The following CFAP54 variants were observed in gnomAD, a reference collection of about 807,000 sequenced individuals.
CFAP54 encodes cilia- and flagella-associated protein 54.
A neutral mutation model predicts 370.4 loss-of-function variants in CFAP54; 290 were observed. That is an observed-to-expected ratio of 0.78 (90% CI 0.71 to 0.86). CFAP54 has a LOEUF of 0.86. CFAP54 is among the 40% of genes least tolerant of loss of function. The probability of loss-of-function intolerance (pLI) is 0.00; values close to 1 mark genes in which losing one functional copy is unlikely to be tolerated. For synonymous variants in CFAP54, 1,206 were observed against 1,236.5 expected (o/e 0.98, Z 0.52); for missense variants, 3,399 against 3,528.7 (o/e 0.96, Z 0.93).
chr12:96,657,917 C>A lies in CFAP54; in HGVS notation c.5136C>A (p.Ser1712Arg). 6.2e-7 allele frequency: 1 copy of A among 1,613,194 alleles called. No homozygotes were observed. Among genetic ancestry groups the A allele is most frequent in the Non-Finnish European group, 8.5e-7 (1 of 1,179,688 alleles). Residue 1712 changes from serine (S) to arginine (R), a missense_variant, in exon 37 of 68, where the codon AGC (serine) becomes AGA (arginine). Ser to Arg is a moderately radical substitution (Grantham distance 110, BLOSUM62 -1). Coordinates refer to ENST00000524981, the MANE Select transcript of CFAP54 (RefSeq NM_001306084.2). ...IEDKGEFSVP[S>R]CYGNIKNDNG... ...ACAAAGGAGAATTCAGTGTTCCAAG[C>A]TGTTATGGGAATATTAAAAATGACA...
intron 60 of CFAP54, among the ~76,000 whole-genome samples, chr12:96,776,327 T>G (rs2136684293): frequency 6.6e-6 from 1 of 152,066 alleles, no homozygotes; most frequent in African/African-American, 2.4e-5. Context: ...AAAAAAAAAT[T>G]AGACAAATCT....
intron 14 of CFAP54, among the ~76,000 whole-genome samples, chr12:96,542,214 G>A (rs897098673): frequency 6.6e-6 from 1 of 152,202 alleles, no homozygotes; most frequent in South Asian, 2.1e-4. Context: ...TGCAGATGGA[G>A]TTTTAGAGCC....
chr12:96,644,009 A>G (rs1376386201), intron 32 of CFAP54, among the ~76,000 whole-genome samples, 169 bp from the exon 33 acceptor site: 2 of 152,068 alleles, frequency 1.3e-5, no homozygotes, highest in Admixed American at 6.6e-5. Flanking sequence ...TTTTTAAACC[A>G]CCCTGGTTCA....
At chr12:96,796,531 C>T (rs773766268) in intron 63 of CFAP54, among the ~76,000 whole-genome samples, 7 of 152,128 alleles carry the variant, frequency 4.6e-5, no homozygotes, top group Non-Finnish European at 7.4e-5. Flanking sequence ...TAGTTTTATG[C>T]AGTCTTTAAG....
At chr12:96,691,341 T>C in intron 44 of CFAP54, 31 bp downstream of exon 44, 8 of 1,490,668 alleles carry the variant, frequency 5.4e-6, no homozygotes, top group Non-Finnish European at 7.3e-6. Context: ...AAATTATATA[T>C]CACTGGGATA....
In CFAP54 at chr12:96,740,041, C is replaced by A; in HGVS notation, c.7051C>A (p.Pro2351Thr). The A allele has an allele frequency of 6.3e-7, 1 of 1,597,226 alleles. No homozygotes were observed. ...KKVVQDDTEN[P>T]VSPGTSVTEN... ...GGTAGTACAGGATGACACAGAGAAT[C>A]CTGTCTCTCCAGGAACTTCTGTAAG... is the stretch of plus-strand genomic sequence containing the variant. Residue 2351 changes from proline to threonine, a missense_variant, in exon 51 of 68, where the codon CCT becomes ACT. Physicochemically the swap from Pro to Thr is conservative, Grantham distance 38. Coordinates refer to ENST00000524981, the MANE Select transcript of CFAP54 (RefSeq NM_001306084.2).
intron 67 of CFAP54, among the ~76,000 whole-genome samples, chr12:96,870,295 T>A (rs1455773402): frequency 6.6e-6 from 1 of 152,122 alleles, no homozygotes; most frequent in African/African-American, 2.4e-5. Context: ...TTATTACATT[T>A]AAAGGAACTA....
chr12:96,729,092 G>A (rs1957882375), intron 50 of CFAP54, among the ~76,000 whole-genome samples: 1 of 152,128 alleles, frequency 6.6e-6, no homozygotes, highest in African/African-American at 2.4e-5. Flanking sequence ...CCCCTACTGG[G>A]GGGTGCCTGC....
At chr12:96,859,261 T>C (rs1959800655) in intron 66 of CFAP54, among the ~76,000 whole-genome samples, 1 of 152,138 alleles carries the variant, frequency 6.6e-6, no homozygotes, top group Admixed American at 6.5e-5. Context: ...CAATTCAAAA[T>C]AGATAATTTC....
At chr12:96,680,499 C>A (rs952501005) in intron 40 of CFAP54, among the ~76,000 whole-genome samples, 13 of 151,992 alleles carry the variant, frequency 8.6e-5, no homozygotes, top group Non-Finnish European at 1.0e-4. Flanking sequence ...AAATAATAGA[C>A]AAATACATGT....
intron 45 of CFAP54, among the ~76,000 whole-genome samples, chr12:96,695,082 C>G (rs1307834973): frequency 6.6e-6 from 1 of 152,154 alleles, no homozygotes; most frequent in African/African-American, 2.4e-5. Flanking sequence ...GTGGCATTTT[C>G]AATCTCCATC....
At chr12:96,532,879 C>T (rs777468841) in intron 9 of CFAP54, among the ~76,000 whole-genome samples, 3 of 152,120 alleles carry the variant, frequency 2.0e-5, no homozygotes, top group Non-Finnish European at 4.4e-5. Context: ...CCTTGGCCTC[C>T]CAAAGTGCTG....
intron 67 of CFAP54, among the ~76,000 whole-genome samples, chr12:96,864,458 G>A (rs1486784721): frequency 6.6e-6 from 1 of 152,122 alleles, no homozygotes; most frequent in African/African-American, 2.4e-5. Flanking sequence ...TCACGCATAG[G>A]CACTTTACAC....
intron 67 of CFAP54, among the ~76,000 whole-genome samples, chr12:96,865,873 T>C (rs758805491): frequency 1.6e-4 from 25 of 152,148 alleles, no homozygotes; most frequent in Non-Finnish European, 3.2e-4. Flanking sequence ...AATGTTAAAC[T>C]ATATACATAT....
At chr12:96,793,306 A>G (rs1958722421) in intron 63 of CFAP54, among the ~76,000 whole-genome samples, 1 of 152,056 alleles carries the variant, frequency 6.6e-6, no homozygotes, top group Non-Finnish European at 1.5e-5. Context: ...TCCATTCCTG[A>G]GTTACTTCAC....
chr12:96,583,142 G>A lies in CFAP54; in HGVS notation c.3075+2037G>A, dbSNP rs909550283. ...ATTCTGTAAATATTAATAAAATCAA[G>A]TGAATCTCTACTAGGCTTTCCCTAA... On this transcript the variant is annotated intron_variant, in intron 22 of 67. Coordinates refer to ENST00000524981, the MANE Select transcript of CFAP54 (RefSeq NM_001306084.2). 1.3e-5 allele frequency among the ~76,000 whole-genome samples: 2 copies of A among 152,292 alleles called. 1 individual carries two copies. Among genetic ancestry groups the A allele is most frequent in the South Asian group, 4.1e-4 (2 of 4,828 alleles).
intron 63 of CFAP54, among the ~76,000 whole-genome samples, chr12:96,800,212 C>T (rs1319116852): frequency 1.3e-5 from 2 of 152,122 alleles, no homozygotes; most frequent in African/African-American, 4.8e-5. Flanking sequence ...ATTGGAAAAA[C>T]AAAACAAAAC....
chr12:96,702,784 G>A (rs1957505328), intron 46 of CFAP54, among the ~76,000 whole-genome samples: 1 of 152,096 alleles, frequency 6.6e-6, no homozygotes, highest in Non-Finnish European at 1.5e-5. Flanking sequence ...AATTAAAATA[G>A]GTGCCAATGT....
intron 11 of CFAP54, among the ~76,000 whole-genome samples, chr12:96,535,008 CTGTGTGTGTGTGTGTGTGTG>C (rs4018882): frequency 4.4e-5 from 6 of 137,336 alleles, no homozygotes; most frequent in Admixed American, 7.3e-5. Context: ...GTTTTCTTTT[CTGTGTGTGTGTGTGTGTGTG>C]TGTGTGTGTG....
Sources: gnomAD v4.1 joint callset for allele counts (sites outside exome capture counted in the v4.1 genomes callset) on GRCh38, gnomAD v4.1.1 for gene constraint, MANE v1.5 for transcripts, NCBI Gene and HGNC (gene_info 2026-07-23, HGNC 2026-07-21) for gene names.